DGAT2L6: variants seen among roughly 807,000 people sequenced by gnomAD.
DGAT2L6 encodes diacylglycerol O-acyltransferase 2 like 6.
In DGAT2L6, 22 loss-of-function variants were observed where a neutral mutation model predicts 25.5. That is an observed-to-expected ratio of 0.86 (90% confidence interval 0.62 to 1.23). DGAT2L6 has a LOEUF of 1.23. Among genes scored for constraint, DGAT2L6 ranks in the 50% most tolerant of loss-of-function variants. The pLI, the probability that DGAT2L6 is intolerant of heterozygous loss-of-function variation, is 0.00. For missense variants in DGAT2L6, 287 were observed against 253.2 expected (o/e 1.13, Z -0.91); for synonymous variants, 100 against 94.7 (o/e 1.06, Z -0.32).
chrX:70,189,952 T>A lies in DGAT2L6; in HGVS notation c.86-9319T>A, dbSNP rs781443244. Among the ~76,000 whole-genome samples the A allele has an allele frequency of 2.7e-5, 3 of 111,996 alleles. No homozygotes were observed. The South Asian group carries it at 1.1e-3, about 41-fold the overall frequency. The stretch of plus-strand genomic sequence containing the variant: ...ATAAACAAGCTGATTCAAAAATTTA[T>A]ATAGAAAAACAAAGAAACTACAAAT... On this transcript the variant is annotated intron_variant, in intron 1 of 6. Coordinates refer to ENST00000333026, the MANE Select transcript of DGAT2L6 (RefSeq NM_198512.3).
intron 1 of DGAT2L6, among the ~76,000 whole-genome samples, chrX:70,188,839 T>C (rs2085366871): frequency 9.1e-6 from 1 of 110,176 alleles, no homozygotes; most frequent in Non-Finnish European, 1.9e-5. Context: ...CAATGTAAAC[T>C]ACCATACTAA....
At chrX:70,179,701 G>T (rs886318512) in intron 1 of DGAT2L6, among the ~76,000 whole-genome samples, 4 of 107,356 alleles carry the variant, frequency 3.7e-5, no homozygotes, top group Non-Finnish European at 7.7e-5. Flanking sequence ...CCGAGTAGCC[G>T]GGACTACAGG....
chrX:70,186,251 G>C (rs916309445), intron 1 of DGAT2L6, among the ~76,000 whole-genome samples: 4 of 112,016 alleles, frequency 3.6e-5, no homozygotes, highest in Non-Finnish European at 3.8e-5. Flanking sequence ...TGTCTGATAG[G>C]GAGAGAGACA....
intron 1 of DGAT2L6, among the ~76,000 whole-genome samples, chrX:70,180,062 C>T (rs1426938600): frequency 9.0e-6 from 1 of 110,883 alleles, no homozygotes; most frequent in Non-Finnish European, 1.9e-5. Context: ...AAGTAATGCC[C>T]CTTTACCCCC....
intron 5 of DGAT2L6, 73 bp downstream of exon 5, chrX:70,202,137 C>T: frequency 2.1e-6 from 2 of 948,042 alleles, no homozygotes; most frequent in South Asian, 6.5e-5. Context: ...AGAATGGTGC[C>T]CTCCCTGGGC....
At chrX:70,194,717 A>C (rs1055486195) in intron 1 of DGAT2L6, among the ~76,000 whole-genome samples, 5 of 112,182 alleles carry the variant, frequency 4.5e-5, no homozygotes, top group African/African-American at 1.6e-4. Flanking sequence ...CTCTTACCTT[A>C]TGACATACAC....
intron 1 of DGAT2L6, among the ~76,000 whole-genome samples, chrX:70,195,314 A>G (rs2085387496): frequency 8.9e-6 from 1 of 111,884 alleles, no homozygotes; most frequent in African/African-American, 3.3e-5. Flanking sequence ...TACAACCAGT[A>G]TGGAAAATAG....
chrX:70,198,372 T>G (rs1198375050), intron 1 of DGAT2L6, among the ~76,000 whole-genome samples: 4 of 111,502 alleles, frequency 3.6e-5, no homozygotes, highest in Non-Finnish European at 3.8e-5. Flanking sequence ...TTGTTTTTTG[T>G]TTTTTTGGTT....
intron 1 of DGAT2L6, among the ~76,000 whole-genome samples, chrX:70,182,320 TCA>T (rs917071990): frequency 1.5e-4 from 16 of 110,077 alleles, no homozygotes; most frequent in African/African-American, 5.3e-4. Context: ...CAGCTTTCAT[TCA>T]GAGGATGGCT....
chrX:70,184,812 T>G (rs1269540077), intron 1 of DGAT2L6, among the ~76,000 whole-genome samples: 1 of 110,406 alleles, frequency 9.1e-6, no homozygotes, highest in African/African-American at 3.3e-5. Context: ...CATCACGGCA[T>G]CTTTCATTAA....
chrX:70,183,624 T>G (rs2085350521), intron 1 of DGAT2L6, among the ~76,000 whole-genome samples: 1 of 112,024 alleles, frequency 8.9e-6, no homozygotes, highest in Admixed American at 9.5e-5. Flanking sequence ...GTCTTCCAGA[T>G]TTCTTCTTCC....
intron 1 of DGAT2L6, among the ~76,000 whole-genome samples, chrX:70,192,554 CTTATG>C (rs1057366735): frequency 2.4e-4 from 27 of 111,696 alleles, no homozygotes; most frequent in African/African-American, 8.8e-4. Context: ...ACTTTCGTCA[CTTATG>C]TTAGAGTTAA....
At chrX:70,177,754 C>T (rs769743526) in intron 1 of DGAT2L6, 87 bp downstream of exon 1, 3 of 819,068 alleles carry the variant, frequency 3.7e-6, no homozygotes, top group Middle Eastern at 3.6e-4. Flanking sequence ...CCAAAGAGAT[C>T]ATCTGGGTGA....
intron 1 of DGAT2L6, 91 bp downstream of exon 1, chrX:70,177,758 T>C: frequency 1.4e-5 from 11 of 773,946 alleles, no homozygotes; most frequent in Non-Finnish European, 1.7e-5. Context: ...AGAGATCATC[T>C]GGGTGATCTC....
chrX:70,184,751 C>G (rs2085354582), intron 1 of DGAT2L6, among the ~76,000 whole-genome samples: 1 of 111,040 alleles, frequency 9.0e-6, no homozygotes, highest in African/African-American at 3.3e-5. Context: ...CAGGAGTGAG[C>G]CACCATGCCT....
chrX:70,193,540 G>A (rs2085381738), intron 1 of DGAT2L6, among the ~76,000 whole-genome samples: 1 of 111,549 alleles, frequency 9.0e-6, no homozygotes, highest in African/African-American at 3.3e-5. Context: ...ACATTAAAAG[G>A]AGCGTACACC....
rs187850728 is a variant in DGAT2L6 at position 70,204,398 on chromosome X, A to C, written c.741A>C (p.Lys247Asn). The C allele has an allele frequency of 8.3e-7, 1 of 1,211,239 alleles. No homozygotes were observed. Among genetic ancestry groups the C allele is most frequent in the Admixed American group, 2.2e-5 (1 of 45,975 alleles). The change falls in exon 6 of 7, where the codon AAA (lysine) becomes AAC (asparagine). Residue 247 changes from lysine (K) to asparagine (N), a missense_variant. Physicochemically the swap from Lys to Asn is moderately conservative, Grantham distance 94. Coordinates refer to ENST00000333026, the MANE Select transcript of DGAT2L6 (RefSeq NM_198512.3). ...PEGTWLRLFQ[K>N]TFQDTFKKIL... ...GCACGTGGTTAAGGTTGTTCCAAAA[A>C]ACCTTCCAGGACACATTCAAAAAAA...
intron 1 of DGAT2L6, among the ~76,000 whole-genome samples, chrX:70,194,775 T>C (rs941165071): frequency 9.0e-5 from 10 of 111,478 alleles, no homozygotes; most frequent in Non-Finnish European, 5.7e-5. Flanking sequence ...AGACCTGAAA[T>C]CACTAAACTC....
At chrX:70,191,685 T>C (rs984757525) in intron 1 of DGAT2L6, among the ~76,000 whole-genome samples, 2 of 111,334 alleles carry the variant, frequency 1.8e-5, no homozygotes, top group African/African-American at 6.5e-5. Flanking sequence ...GCTCAGAGGA[T>C]CCCAAGCAAG....
Sources: gnomAD v4.1 joint callset for allele counts (sites outside exome capture counted in the v4.1 genomes callset) on GRCh38, gnomAD v4.1.1 for gene constraint, MANE v1.5 for transcripts, NCBI Gene and HGNC (gene_info 2026-07-23, HGNC 2026-07-21) for gene names.